PPIL6: variants seen among roughly 807,000 people sequenced by gnomAD.
PPIL6 encodes probable inactive peptidyl-prolyl cis-trans isomerase-like 6.
PPIL6 carries 39 observed loss-of-function variants against 36.8 expected under a neutral mutation model. The ratio of observed to expected loss-of-function variants is 1.06; its 90% CI spans 0.82 to 1.38. The LOEUF (loss-of-function observed/expected upper bound fraction) is 1.38, where lower values mean the gene tolerates loss of function less well. PPIL6 is among the 40% of genes most tolerant of loss of function. PPIL6 has a pLI of 0.00. For missense variants in PPIL6, 368 were observed against 379.1 expected (o/e 0.97, Z 0.24); for synonymous variants, 123 against 134.1 (o/e 0.92, Z 0.57).
chr6:109,420,871 A>G (rs777079759), intron 5 of PPIL6, among the ~76,000 whole-genome samples: 1 of 152,204 alleles, frequency 6.6e-6, no homozygotes, highest in Non-Finnish European at 1.5e-5. Context: ...AAATTATACT[A>G]CTCAGAAAGC....
At chr6:109,412,718 CATAT>C (rs1773066123) in intron 6 of PPIL6, among the ~76,000 whole-genome samples, 1 of 152,118 alleles carries the variant, frequency 6.6e-6, no homozygotes, top group African/African-American at 2.4e-5. Context: ...TACCTCTCAC[CATAT>C]ATAAAAATAA....
rs894036417 is a variant in PPIL6, at chr6:109,390,577, G to A, written c.*2249C>T. The A allele has an allele frequency of 2.6e-5, 4 of 152,284 alleles. No homozygotes were observed. The highest frequency in any genetic ancestry group is 6.5e-5 in the Admixed American group (1 of 15,274). 9.4% of individuals were successfully genotyped at this position (152,284 alleles called of 1,614,324 possible). A position where few individuals can be genotyped will look rare whatever the true frequency, so the allele number is the denominator to read the frequency against. ...GCTGTCATTAAAAGGAAAAGCAAAT[G>A]CCAGTTGTCAGGAGTTAGGGATGGC... On this transcript the variant is annotated 3_prime_UTR_variant, in exon 8 of 8. Transcript: ENST00000521072.
Position 109,392,750 on chromosome 6 carries a change from T to C in PPIL6, c.*76A>G, listed in dbSNP as rs1279197813. 8 of 911,384 alleles carry C rather than the reference T, an allele frequency of 8.8e-6. No homozygotes were observed. In the African/African-American group the frequency reaches 1.3e-4, roughly 15 times the overall value. The allele number at this position is 911,384 out of a possible 1,614,324, so 56.5% of individuals were successfully genotyped here. ...GGCTTTCAAATTACAATTTATCAAG[T>C]ACTTTTTAATTAAATCCACAAACAG... On this transcript the variant is annotated 3_prime_UTR_variant, in exon 8 of 8. Coordinates refer to ENST00000521072, the MANE Select transcript of PPIL6 (RefSeq NM_173672.5).
intron 6 of PPIL6, among the ~76,000 whole-genome samples, chr6:109,400,607 T>C (rs1356931197): frequency 1.3e-5 from 2 of 152,162 alleles, no homozygotes; most frequent in Non-Finnish European, 2.9e-5. Context: ...ATCTTACACA[T>C]CGTTCTTGGA....
intron 5 of PPIL6, among the ~76,000 whole-genome samples, chr6:109,420,332 CAAAAAAAAAA>C (rs564751735): frequency 1.2e-4 from 6 of 50,952 alleles, no homozygotes; most frequent in African/African-American, 3.3e-4. Flanking sequence ...GACTCCATCT[CAAAAAAAAAA>C]AAAAAAAAAA....
Position 109,390,404 on chromosome 6 carries a change from A to G in PPIL6, c.*2422T>C, listed in dbSNP as rs1772055593. 1.3e-5 allele frequency: 2 copies of G among 152,208 alleles called. No homozygotes were observed. The highest frequency in any genetic ancestry group is 4.1e-4 in the South Asian group (2 of 4,832). 9.4% of individuals were successfully genotyped at this position (152,208 alleles called of 1,614,324 possible). On this transcript the variant is annotated 3_prime_UTR_variant, in exon 8 of 8. Transcript: ENST00000521072. ...AGTTCTTGCCTGAGTTTGTGCAGCTAGGGAATGGCAGAGCCAGGATTCTGG... is the reference window on the plus strand; with the variant it reads ...AGTTCTTGCCTGAGTTTGTGCAGCTGGGGAATGGCAGAGCCAGGATTCTGG...
chr6:109,396,323 A>T (rs182470531), intron 7 of PPIL6, among the ~76,000 whole-genome samples: 1 of 152,248 alleles, frequency 6.6e-6, no homozygotes, highest in African/African-American at 2.4e-5. Flanking sequence ...TCACAATGTA[A>T]AATTCTCCCA....
rs746996911 is a variant in PPIL6 at position 109,436,227 on chromosome 6, TAG to T, written c.136-30_136-29del. 4 of 1,278,122 alleles carry T rather than the reference TAG, an allele frequency of 3.1e-6. No individual in the cohort carries two copies. In the African/African-American group the frequency reaches 5.9e-5, roughly 19 times the overall value. 79.2% of individuals were successfully genotyped at this position (1,278,122 alleles called of 1,614,324 possible). On this transcript the variant is annotated intron_variant, in intron 1 of 7. Coordinates refer to ENST00000521072, the MANE Select transcript of PPIL6 (RefSeq NM_173672.5). ...GGATTTCGAAATAGAATAATTATTT[TAG>T]AGTTAGTTCTCTTTTAAAGTCAAAA...
chr6:109,439,557 A>T (rs980922311), intron 1 of PPIL6, among the ~76,000 whole-genome samples: 3 of 152,150 alleles, frequency 2.0e-5, no homozygotes, highest in African/African-American at 7.2e-5. Flanking sequence ...GGGTTTCACC[A>T]TGTTGGCCAG....
chr6:109,427,836 CAG>C (rs1042845548), intron 3 of PPIL6, among the ~76,000 whole-genome samples: 5 of 152,154 alleles, frequency 3.3e-5, no homozygotes, highest in African/African-American at 4.8e-5. Context: ...AGAAAACAGA[CAG>C]GGGATTCTTC....
At chr6:109,414,536 G>A (rs1219927263) in intron 6 of PPIL6, among the ~76,000 whole-genome samples, 1 of 132,546 alleles carries the variant, frequency 7.5e-6, no homozygotes, top group African/African-American at 3.0e-5. Flanking sequence ...CCAGGCTGGA[G>A]TGCAGTGGTG....
In PPIL6 at chr6:109,439,481, T is replaced by G. The variant is rs575054328; in HGVS notation, c.135+975A>C. Among the ~76,000 whole-genome samples the G allele has an allele frequency of 3.3e-3, 496 of 152,264 alleles. 2 individuals carry two copies. The highest frequency in any genetic ancestry group is 0.012 in the African/African-American group (484 of 41,548). ...AAGCGATTCTTGTGCCTCAGCCTCCTGAGTAGCTGGGATTACAGAGACCGC... is the reference window on the plus strand; with the variant it reads ...AAGCGATTCTTGTGCCTCAGCCTCCGGAGTAGCTGGGATTACAGAGACCGC... On this transcript the variant is annotated intron_variant, in intron 1 of 7. Coordinates refer to ENST00000521072, the MANE Select transcript of PPIL6 (RefSeq NM_173672.5).
chr6:109,436,250 CA>C, intron 1 of PPIL6, 51 bp from the exon 2 acceptor site: 1 of 1,117,334 alleles, frequency 8.9e-7, no homozygotes. Context: ...CTTTTAAAGT[CA>C]AAATCATGTT....
At chr6:109,418,197 A>G (rs2115241208) in intron 6 of PPIL6, 1 of 153,204 alleles carries the variant, frequency 6.5e-6, no homozygotes, top group East Asian at 1.9e-4. Flanking sequence ...TATCCTGGAT[A>G]ATTTTGATGC....
chr6:109,439,433 T>C (rs952015571), intron 1 of PPIL6, among the ~76,000 whole-genome samples: 11 of 152,208 alleles, frequency 7.2e-5, no homozygotes, highest in Non-Finnish European at 1.2e-4. Context: ...CTCAGCTCTC[T>C]GCAAACTCCG....
At chr6:109,397,677 G>C (rs1411167599) in intron 7 of PPIL6, among the ~76,000 whole-genome samples, 1 of 152,122 alleles carries the variant, frequency 6.6e-6, no homozygotes, top group African/African-American at 2.4e-5. Flanking sequence ...TGCCACTCTA[G>C]ACTTCAGGCT....
chr6:109,419,781 T>C (rs1333137482), intron 5 of PPIL6, among the ~76,000 whole-genome samples: 1 of 151,970 alleles, frequency 6.6e-6, no homozygotes, highest in Non-Finnish European at 1.5e-5. Flanking sequence ...ATAGAATAAG[T>C]TACCTAATTA....
intron 6 of PPIL6, among the ~76,000 whole-genome samples, chr6:109,403,887 G>A (rs1772667544): frequency 6.6e-6 from 1 of 152,156 alleles, no homozygotes; most frequent in South Asian, 2.1e-4. Context: ...AGGAAGGACT[G>A]GCTGGCTGCT....
chr6:109,429,683 G>C (rs769933546), intron 3 of PPIL6, among the ~76,000 whole-genome samples: 3 of 152,210 alleles, frequency 2.0e-5, no homozygotes, highest in South Asian at 4.1e-4. Flanking sequence ...TGAAGGTGGA[G>C]GTGTGAACAA....
Sources: allele counts gnomAD v4.1 joint callset (sites outside exome capture counted in the v4.1 genomes callset), GRCh38; gene constraint gnomAD v4.1.1; transcripts MANE v1.5; gene names NCBI Gene and HGNC (gene_info 2026-07-23, HGNC 2026-07-21).